Variants in NUP153 observed in about 807,000 individuals in gnomAD.
NUP153 encodes the protein nucleoporin 153.
A neutral mutation model predicts 134.6 loss-of-function variants in NUP153; 27 were observed. That is an observed-to-expected ratio of 0.20 (90% CI 0.15 to 0.28). The LOEUF is 0.28. NUP153 is among the 10% of genes least tolerant of loss of function. The pLI, the probability that NUP153 is intolerant of heterozygous loss-of-function variation, is 1.00. For synonymous variants in NUP153, 640 were observed against 623.5 expected (o/e 1.03, Z -0.40); for missense variants, 1,821 against 1,731.3 (o/e 1.05, Z -0.92).
intron 5 of NUP153, among the ~76,000 whole-genome samples, chr6:17,670,095 CAAAAAAAAAAAAA>C (rs71002244): frequency 3.1e-5 from 2 of 65,156 alleles, no homozygotes; most frequent in Non-Finnish European, 5.8e-5. Context: ...GACTCTTTCT[CAAAAAAAAAAAAA>C]AAAAAAAAAA....
In NUP153 at chr6:17,625,681, G is replaced by T; in HGVS notation, c.3901+127C>A. ...TACAGTGAATAATTAAAACAACCCTGGTATAGATGACCAAAAGGCATTCCC... is the reference window on the plus strand; with the variant it reads ...TACAGTGAATAATTAAAACAACCCTTGTATAGATGACCAAAAGGCATTCCC... On this transcript the variant is annotated intron_variant, in intron 19 of 21. Transcript: ENST00000262077. The surrounding 1 kb of genome is among the most constrained non-coding windows in gnomAD (Gnocchi z 4.7). The T allele has an allele frequency of 1.4e-6, 1 of 717,588 alleles. No individual in the cohort carries two copies. Among genetic ancestry groups the T allele is most frequent in the Non-Finnish European group, 2.4e-6 (1 of 409,470 alleles). 44.5% of individuals were successfully genotyped at this position (717,588 alleles called of 1,614,324 possible).
chr6:17,620,792 C>A (rs1006191296), intron 20 of NUP153, among the ~76,000 whole-genome samples: 2 of 152,014 alleles, frequency 1.3e-5, no homozygotes, highest in Non-Finnish European at 2.9e-5. Context: ...AAAGATAGGA[C>A]CCCCCTGGCC....
At chr6:17,661,521 A>C in intron 11 of NUP153, 132 bp downstream of exon 11, 2 of 771,702 alleles carry the variant, frequency 2.6e-6, no homozygotes, top group Non-Finnish European at 3.8e-6. Flanking sequence ...TGCATTTTGA[A>C]AGAACTGATT....
At chr6:17,641,119 T>C (rs574973173) in intron 14 of NUP153, among the ~76,000 whole-genome samples, 2 of 152,352 alleles carry the variant, frequency 1.3e-5, no homozygotes, top group East Asian at 3.9e-4. Flanking sequence ...TATCGTTATA[T>C]TTTTAAGGGG....
chr6:17,634,811 T>C (rs1186876266), intron 16 of NUP153, among the ~76,000 whole-genome samples: 4 of 152,116 alleles, frequency 2.6e-5, no homozygotes, highest in African/African-American at 7.2e-5. Flanking sequence ...CCATTCCTTA[T>C]TCAGTTCGAT....
intron 15 of NUP153, 104 bp from the exon 16 acceptor site, chr6:17,637,874 A>C (rs1478284254): frequency 8.1e-7 from 1 of 1,242,060 alleles, no homozygotes; most frequent in African/African-American, 1.5e-5. Context: ...CTGCACACTT[A>C]CTACAATCCA....
intron 2 of NUP153, among the ~76,000 whole-genome samples, chr6:17,684,829 A>C (rs1298527370): frequency 6.6e-6 from 1 of 152,208 alleles, no homozygotes; most frequent in African/African-American, 2.4e-5. Context: ...GCCCAGAAAG[A>C]GGGAGAAAAG....
intron 1 of NUP153, among the ~76,000 whole-genome samples, chr6:17,689,355 C>T (rs1769138286): frequency 6.6e-6 from 1 of 152,106 alleles, no homozygotes; most frequent in Admixed American, 6.6e-5. Context: ...CCATGGCACT[C>T]TAGCCCGGGC....
At chr6:17,697,126 A>G (rs1769705904) in intron 1 of NUP153, among the ~76,000 whole-genome samples, 1 of 152,174 alleles carries the variant, frequency 6.6e-6, no homozygotes, top group South Asian at 2.1e-4. Context: ...CAAAGTCCAC[A>G]CTTCATAATC....
chr6:17,706,461 G>T lies in NUP153; in HGVS notation c.-74C>A. On this transcript the variant is annotated 5_prime_UTR_variant, in exon 1 of 22. Transcript: ENST00000262077. The surrounding 1 kb of genome is among the most constrained non-coding windows in gnomAD (Gnocchi z 5.9). Reference sequence around the variant, plus strand: ...GAGGCAGAGGCGGAGGCCTTAGAGAGCCTCCCCCGCCGCCCGGCCCCGGCC... The same window carrying T: ...GAGGCAGAGGCGGAGGCCTTAGAGATCCTCCCCCGCCGCCCGGCCCCGGCC... 1 of 1,160,938 alleles carries T rather than the reference G, an allele frequency of 8.6e-7. No individual in the cohort carries two copies. Among genetic ancestry groups the T allele is most frequent in the Non-Finnish European group, 1.2e-6 (1 of 815,780 alleles). 71.9% of individuals were successfully genotyped at this position (1,160,938 alleles called of 1,614,324 possible). A position where few individuals can be genotyped will look rare whatever the true frequency, so the allele number is the denominator to read the frequency against.
At chr6:17,646,448 C>T (rs1462219102) in intron 13 of NUP153, among the ~76,000 whole-genome samples, 2 of 152,128 alleles carry the variant, frequency 1.3e-5, no homozygotes, top group African/African-American at 4.8e-5. Context: ...CCTTGTGATC[C>T]GCCCGCCTCG....
rs1480853631 is a variant in NUP153 at position 17,626,173 on chromosome 6, CAG to C, written c.3545-11_3545-10del. The stretch of plus-strand genomic sequence containing the variant: ...CTTTGCTGCACCTTGATCTGTAAGA[CAG>C]AAATTAAGAAACAAACATAAATCCT... On this transcript the variant is annotated splice_polypyrimidine_tract_variant and intron_variant, in intron 18 of 21. Transcript: ENST00000262077. The C allele has an allele frequency of 6.3e-7, 1 of 1,592,030 alleles. No homozygotes were observed. The highest frequency in any genetic ancestry group is 2.2e-5 in the East Asian group (1 of 44,698).
At chr6:17,639,860 G>T in intron 15 of NUP153, 79 bp downstream of exon 15, 1 of 1,338,220 alleles carries the variant, frequency 7.5e-7, no homozygotes, top group Non-Finnish European at 1.0e-6. Flanking sequence ...ATTTTTAAAA[G>T]CCTAAAGTAT....
intron 2 of NUP153, among the ~76,000 whole-genome samples, chr6:17,681,164 C>A (rs756686782): frequency 5.9e-5 from 9 of 151,660 alleles, no homozygotes; most frequent in Non-Finnish European, 1.0e-4. Flanking sequence ...GTGAAATACA[C>A]CAGGCACAAA....
At chr6:17,696,831 G>A (rs1327604954) in intron 1 of NUP153, among the ~76,000 whole-genome samples, 2 of 152,028 alleles carry the variant, frequency 1.3e-5, no homozygotes, top group Non-Finnish European at 1.5e-5. Context: ...CCAGCACATT[G>A]GGAGGCCGAG....
chr6:17,618,182 AG>A (rs1359082241), intron 20 of NUP153, among the ~76,000 whole-genome samples: 1 of 152,176 alleles, frequency 6.6e-6, no homozygotes, highest in Non-Finnish European at 1.5e-5. Flanking sequence ...AACTTTCCCA[AG>A]TAAAATAATG....
rs762350685 is a variant in NUP153 at position 17,637,312 on chromosome 6, T to C, written c.2305A>G (p.Thr769Ala). The C allele has an allele frequency of 1.9e-6, 3 of 1,614,204 alleles. No homozygotes were observed. Among genetic ancestry groups the C allele is most frequent in the Non-Finnish European group, 2.5e-6 (3 of 1,180,040 alleles). Reference protein sequence around the residue: ...TLTVVSESAETMTASSSSCTV... With the variant: ...TLTVVSESAEAMTASSSSCTV... ...CAGCTGGAAGATGAAGCAGTCATAG[T>C]CTCAGCACTTTCCGAAACCACTGTC... Residue 769 changes from threonine to alanine, a missense_variant, in exon 16 of 22, where the codon ACT becomes GCT. Transcript: ENST00000262077.
intron 11 of NUP153, 59 bp from the exon 12 acceptor site, chr6:17,649,359 C>A: frequency 2.0e-6 from 3 of 1,505,328 alleles, no homozygotes; most frequent in Admixed American, 1.9e-5. Context: ...TTTATCTCTA[C>A]TTATTTTCAG....
chr6:17,684,629 C>CA (rs1359978271), intron 2 of NUP153, among the ~76,000 whole-genome samples: 1 of 152,218 alleles, frequency 6.6e-6, no homozygotes, highest in African/African-American at 2.4e-5. Context: ...TTTGCATTCA[C>CA]AAGTTGGCTA....
Sources: gnomAD v4.1 joint callset for allele counts (sites outside exome capture counted in the v4.1 genomes callset) on GRCh38, gnomAD v4.1.1 for gene constraint, Gnocchi (gnomAD v3.1) non-coding constraint, MANE v1.5 for transcripts, NCBI Gene and HGNC (gene_info 2026-07-23, HGNC 2026-07-21) for gene names.